The following ZNF292 variants were observed in gnomAD, a reference collection of about 807,000 sequenced individuals.
ZNF292 encodes the protein 16 zinc-finger domain protein.
ZNF292 carries 26 observed loss-of-function variants against 217.9 expected under a neutral mutation model. The observed-to-expected ratio is 0.12, with a 90% CI of 0.09 to 0.17. The LOEUF (loss-of-function observed/expected upper bound fraction) is 0.17, where lower values mean the gene tolerates loss of function less well. Among genes scored for constraint, ZNF292 ranks in the 10% least tolerant of loss-of-function variants. The probability of loss-of-function intolerance (pLI) is 1.00; values close to 1 mark genes in which losing one functional copy is unlikely to be tolerated. For synonymous variants in ZNF292, 1,257 were observed against 1,124.1 expected (o/e 1.12, Z -2.37); for missense variants, 2,904 against 3,175.2 (o/e 0.91, Z 2.05).
chr6:87,218,563 G>T, intron 3 of ZNF292, 33 bp from the exon 4 acceptor site: 1 of 1,499,738 alleles, frequency 6.7e-7, no homozygotes, highest in Non-Finnish European at 8.9e-7. Flanking sequence ...AAAATCTGTT[G>T]TAATTCTTTG....
rs748168003 is a variant in ZNF292 at position 87,260,377 on chromosome 6, A to G, written c.6748A>G (p.Thr2250Ala). The change falls in exon 8 of 8, where the codon ACA becomes GCA. Residue 2250 changes from threonine to alanine, a missense_variant. By Grantham distance (58) the Thr-to-Ala change is moderately conservative. Around this residue, in one of 15 missense-constraint regions of ZNF292, gnomAD observed 55 missense variants for 99.8 expected, o/e 0.55. Transcript: ENST00000369577. The part of the protein sequence containing the change: ...DHGIGLRASK[T>A]EEDGVYKCDC... Reference sequence around the variant, plus strand: ...CGGGATTGGACTAAGGGCAAGTAAAACAGAAGAAGATGGTGTATACAAATG... The same window carrying G: ...CGGGATTGGACTAAGGGCAAGTAAAGCAGAAGAAGATGGTGTATACAAATG... 5.6e-6 allele frequency: 9 copies of G among 1,613,448 alleles called. No individual in the cohort carries two copies. The highest frequency in any genetic ancestry group is 2.2e-5 in the East Asian group (1 of 44,886).
rs145630605 is a variant in ZNF292, at chr6:87,191,831, T to C, written c.169-24072T>C. On this transcript the variant is annotated intron_variant, in intron 1 of 7. Transcript: ENST00000369577. Reference sequence around the variant, plus strand: ...GGAGTGCCCACCACACCCAGCTAATTTTTGTATTTTAGTAGAGACAGAGTT... The same window carrying C: ...GGAGTGCCCACCACACCCAGCTAATCTTTGTATTTTAGTAGAGACAGAGTT... Among the ~76,000 whole-genome samples, 498 of 152,150 alleles carry C rather than the reference T, an allele frequency of 3.3e-3. 2 individuals carry two copies. Among genetic ancestry groups the C allele is most frequent in the African/African-American group, 0.012 (480 of 41,490 alleles).
intron 1 of ZNF292, among the ~76,000 whole-genome samples, chr6:87,187,144 A>G (rs1414967912): frequency 6.6e-6 from 1 of 152,244 alleles, no homozygotes; most frequent in Non-Finnish European, 1.5e-5. Flanking sequence ...AGTTTTAGAA[A>G]AAAGAAATTC....
At chr6:87,180,950 C>T (rs972707779) in intron 1 of ZNF292, among the ~76,000 whole-genome samples, 3 of 152,128 alleles carry the variant, frequency 2.0e-5, no homozygotes, top group Admixed American at 6.5e-5. Flanking sequence ...CCTGCTTGGT[C>T]GCCCCGCAGC....
chr6:87,177,312 C>T (rs938098449), intron 1 of ZNF292, among the ~76,000 whole-genome samples: 2 of 147,612 alleles, frequency 1.4e-5, no homozygotes, highest in Non-Finnish European at 3.0e-5. Flanking sequence ...GGGTGACAAG[C>T]GAAACTCCAT....
At chr6:87,236,568 T>C (rs1773915874) in intron 5 of ZNF292, among the ~76,000 whole-genome samples, 1 of 152,148 alleles carries the variant, frequency 6.6e-6, no homozygotes, top group Non-Finnish European at 1.5e-5. Flanking sequence ...AGATCCAATA[T>C]TTCTATTTGT....
chr6:87,257,794 T>TTAG lies in ZNF292; in HGVS notation c.4165_4166insTAG (p.Ser1389delinsLeuAla). ...TTACAGGGCTTTTACTAATCCCAGA[T>TTAG]CACTGGGTGGGCACTTATCCAAGCG... On this transcript the variant is annotated protein_altering_variant, in exon 8 of 8. Coordinates refer to ENST00000369577, the MANE Select transcript of ZNF292 (RefSeq NM_015021.3). 6.2e-7 allele frequency: 1 copy of TTAG among 1,613,832 alleles called. No homozygotes were observed. The highest frequency in any genetic ancestry group is 8.5e-7 in the Non-Finnish European group (1 of 1,179,796).
At chr6:87,251,885 T>G (rs1297893447) in intron 7 of ZNF292, among the ~76,000 whole-genome samples, 1 of 152,208 alleles carries the variant, frequency 6.6e-6, no homozygotes, top group African/African-American at 2.4e-5. Flanking sequence ...TTATTGAGGC[T>G]CCTCACCCTT....
chr6:87,253,981 G>A (rs1053899625), intron 7 of ZNF292, among the ~76,000 whole-genome samples: 10 of 152,196 alleles, frequency 6.6e-5, no homozygotes, highest in Admixed American at 6.5e-4. Context: ...GAAAAAGTTT[G>A]TTGGGCTATG....
At position 87,216,321 on chromosome 6, in the gene ZNF292, T is replaced by C. The variant is rs1294462590; in HGVS notation, c.346T>C (p.Cys116Arg). ...TAGAAGCTGTGTTGAACTTTTACTG[T>C]GTCTGCCTGTTGAGTTATCAGATAA... ...LALSCVELLL[C>R]LPVELSDKQW... Residue 116 changes from cysteine to arginine, a missense_variant, in exon 3 of 8, where the codon TGT becomes CGT. By Grantham distance (180) the Cys-to-Arg change is radical. Coordinates refer to ENST00000369577, the MANE Select transcript of ZNF292 (RefSeq NM_015021.3). The C allele has an allele frequency of 2.5e-6, 4 of 1,584,120 alleles. No individual in the cohort carries two copies. The Admixed American group carries it at 7.2e-5, about 28-fold the overall frequency.
Position 87,259,966 on chromosome 6 carries a change from C to T in ZNF292, c.6337C>T (p.Pro2113Ser). 6.2e-7 allele frequency: 1 copy of T among 1,613,590 alleles called. No individual in the cohort carries two copies. The highest frequency in any genetic ancestry group is 8.5e-7 in the Non-Finnish European group (1 of 1,179,668). Residue 2113 changes from proline to serine, a missense_variant, in exon 8 of 8, where the codon CCT (proline) becomes TCT (serine). Physicochemically the swap from Pro to Ser is moderately conservative, Grantham distance 74 (BLOSUM62 -1). Transcript: ENST00000369577. Reference sequence around the variant, plus strand: ...TCCAACAAGATACAGTCCTTACAGACCTTATCGATGTGTTCACCAGGGATG... The same window carrying T: ...TCCAACAAGATACAGTCCTTACAGATCTTATCGATGTGTTCACCAGGGATG... Reference protein sequence around the residue: ...EFPTRYSPYRPYRCVHQGCFA... With the variant: ...EFPTRYSPYRSYRCVHQGCFA...
chr6:87,195,559 A>G (rs1313308038), intron 1 of ZNF292, among the ~76,000 whole-genome samples: 1 of 152,234 alleles, frequency 6.6e-6, no homozygotes, highest in Non-Finnish European at 1.5e-5. Context: ...CAATTTTAAT[A>G]CTTTATCTGT....
chr6:87,167,710 C>T (rs748244332), intron 1 of ZNF292, among the ~76,000 whole-genome samples: 1 of 152,152 alleles, frequency 6.6e-6, no homozygotes, highest in Non-Finnish European at 1.5e-5. Flanking sequence ...TTTAGTTTTC[C>T]TGTAATACTT....
In ZNF292 at chr6:87,233,475, C is replaced by T; in HGVS notation, c.689C>T (p.Thr230Ile). 3.7e-6 allele frequency: 6 copies of T among 1,613,492 alleles called. No homozygotes were observed. Among genetic ancestry groups the T allele is most frequent in the Non-Finnish European group, 5.1e-6 (6 of 1,179,676 alleles). Residue 230 changes from threonine to isoleucine, a missense_variant, in exon 5 of 8, where the codon ACT becomes ATT. Coordinates refer to ENST00000369577, the MANE Select transcript of ZNF292 (RefSeq NM_015021.3). ...EIGIKGSFKQTYLVCLCTSSP... is the reference protein window; with the variant it reads ...EIGIKGSFKQIYLVCLCTSSP... ...GGCATAAAAGGTAGTTTTAAGCAAA[C>T]TTACCTTGTCTGTCTTTGTACATCA... is the stretch of plus-strand genomic sequence containing the variant.
At chr6:87,188,980 C>T (rs1308352463) in intron 1 of ZNF292, among the ~76,000 whole-genome samples, 3 of 151,806 alleles carry the variant, frequency 2.0e-5, no homozygotes, top group Non-Finnish European at 4.4e-5. Flanking sequence ...CGAGGCGGGC[C>T]GATCACCTAA....
rs74523473 is a variant in ZNF292, at chr6:87,179,557, C to T, written c.168+23798C>T. Among the ~76,000 whole-genome samples the T allele has an allele frequency of 4.4e-3, 667 of 152,014 alleles. 2 individuals carry two copies. The highest frequency in any genetic ancestry group is 0.015 in the African/African-American group (633 of 41,448). ...GGTCTTCAAATTTTTTAATTGGGTA[C>T]CTTACCAGAAAACATTTGAATAGAA... On this transcript the variant is annotated intron_variant, in intron 1 of 7. Transcript: ENST00000369577.
intron 1 of ZNF292, among the ~76,000 whole-genome samples, chr6:87,210,462 A>T (rs929526991): frequency 3.9e-5 from 6 of 151,956 alleles, no homozygotes; most frequent in Admixed American, 3.9e-4. Flanking sequence ...CTTGCCCCAG[A>T]ACACACACTA....
chr6:87,222,235 A>G (rs1193002972), intron 4 of ZNF292, among the ~76,000 whole-genome samples: 2 of 152,092 alleles, frequency 1.3e-5, no homozygotes, highest in African/African-American at 2.4e-5. Flanking sequence ...GTTCTTCATC[A>G]TAACCATAAA....
At chr6:87,235,104 T>G (rs1254573227) in intron 5 of ZNF292, among the ~76,000 whole-genome samples, 1 of 152,190 alleles carries the variant, frequency 6.6e-6, no homozygotes, top group Non-Finnish European at 1.5e-5. Context: ...TTTATTTTAT[T>G]ACAGGTAATT....
Sources: gnomAD v4.1 joint callset for allele counts (sites outside exome capture counted in the v4.1 genomes callset) on GRCh38, gnomAD v4.1.1 for gene constraint, gnomAD v4.1.1 regional missense constraint, MANE v1.5 for transcripts, NCBI Gene and HGNC (gene_info 2026-07-23, HGNC 2026-07-21) for gene names.